FHIT: variants seen among roughly 807,000 people sequenced by gnomAD.
FHIT encodes fragile histidine triad diadenosine triphosphatase.
In FHIT, 19 loss-of-function variants were observed where a neutral mutation model predicts 17.9. The ratio of observed to expected loss-of-function variants is 1.06; its 90% CI spans 0.74 to 1.56. The LOEUF (loss-of-function observed/expected upper bound fraction) is 1.56, where lower values mean the gene tolerates loss of function less well. FHIT is among the 40% of genes most tolerant of loss of function. The pLI is 0.00. For synonymous variants in FHIT, 81 were observed against 69.7 expected, an observed-to-expected ratio of 1.16 and a Z score of -0.81; for missense variants, 248 against 189.2, an observed-to-expected ratio of 1.31 and a Z score of -1.82.
intron 3 of FHIT, among the ~76,000 whole-genome samples, chr3:61,004,454 TGG>T (rs2031308412): frequency 6.6e-6 from 1 of 152,204 alleles, no homozygotes; most frequent in African/African-American, 2.4e-5. Context: ...TATAAAACTT[TGG>T]GTAGTATGTA....
At chr3:60,928,715 C>A (rs1197353928) in intron 3 of FHIT, among the ~76,000 whole-genome samples, 1 of 151,974 alleles carries the variant, frequency 6.6e-6, no homozygotes, top group Non-Finnish European at 1.5e-5. Flanking sequence ...GAAATTGAGG[C>A]AACAATTAAT....
intron 2 of FHIT, among the ~76,000 whole-genome samples, chr3:61,095,280 T>C (rs1379294625): frequency 6.6e-6 from 1 of 152,194 alleles, no homozygotes; most frequent in African/African-American, 2.4e-5. Flanking sequence ...AAACCTCTTT[T>C]TATACAAGAA....
intron 5 of FHIT, among the ~76,000 whole-genome samples, chr3:60,222,502 T>C (rs1704007734): frequency 1.3e-5 from 2 of 152,148 alleles, no homozygotes; most frequent in African/African-American, 4.8e-5. Flanking sequence ...TTAAAAGTAA[T>C]GGCAAAGGCC....
intron 6 of FHIT, among the ~76,000 whole-genome samples, chr3:60,013,146 C>A (rs1031925522): frequency 3.0e-4 from 45 of 152,146 alleles, no homozygotes; most frequent in African/African-American, 1.0e-3. Flanking sequence ...TTAGTCAGAG[C>A]CTTCATAACC....
At chr3:60,672,881 G>A (rs1553694333) in intron 4 of FHIT, among the ~76,000 whole-genome samples, 4 of 150,526 alleles carry the variant, frequency 2.7e-5, no homozygotes, top group South Asian at 4.3e-4. Flanking sequence ...TAGCGTGTGT[G>A]TGTGTGTGTG....
At chr3:59,803,455 T>C (rs753283667) in intron 8 of FHIT, among the ~76,000 whole-genome samples, 1 of 152,190 alleles carries the variant, frequency 6.6e-6, no homozygotes, top group Non-Finnish European at 1.5e-5. Flanking sequence ...TCCTGCTGCA[T>C]TAACGGTCTC....
At chr3:60,379,072 C>T (rs953223246) in intron 5 of FHIT, among the ~76,000 whole-genome samples, 4 of 152,144 alleles carry the variant, frequency 2.6e-5, no homozygotes, top group Non-Finnish European at 5.9e-5. Flanking sequence ...TCAATTTTAT[C>T]CCAGACCAGT....
At chr3:61,064,614 T>C (rs936236980) in intron 2 of FHIT, among the ~76,000 whole-genome samples, 1 of 152,202 alleles carries the variant, frequency 6.6e-6, no homozygotes, top group Non-Finnish European at 1.5e-5. Flanking sequence ...GCATCCTTCA[T>C]GCAGGAAAAC....
chr3:60,668,776 A>G lies in FHIT; in HGVS notation c.-17-131797T>C, dbSNP rs909484940. ...GAGACGGGGTTCCACCGTGTTAGCC[A>G]GGATGGTCTCGCTCTCCTGACCTCA... On this transcript the variant is annotated intron_variant, in intron 4 of 9. Transcript: ENST00000492590. Among the ~76,000 whole-genome samples the G allele has an allele frequency of 2.6e-5, 4 of 151,994 alleles. No individual in the cohort carries two copies. In the East Asian group the frequency reaches 5.8e-4, roughly 22 times the overall value.
chr3:60,001,528 T>G (rs1159653241), intron 7 of FHIT, among the ~76,000 whole-genome samples: 1 of 152,094 alleles, frequency 6.6e-6, no homozygotes. Flanking sequence ...ACTACTTTGG[T>G]AGTGAGGAAA....
intron 3 of FHIT, among the ~76,000 whole-genome samples, chr3:60,960,459 C>T (rs1230297659): frequency 6.6e-6 from 1 of 152,178 alleles, no homozygotes; most frequent in Non-Finnish European, 1.5e-5. Flanking sequence ...TTCTAGGGTA[C>T]ATGTGCACAA....
At chr3:59,884,273 T>C (rs992337197) in intron 8 of FHIT, among the ~76,000 whole-genome samples, 2 of 152,250 alleles carry the variant, frequency 1.3e-5, no homozygotes, top group South Asian at 2.1e-4. Flanking sequence ...TACTCACAAA[T>C]TGTGTGGTGC....
At chr3:60,385,050 G>T (rs781600344) in intron 5 of FHIT, among the ~76,000 whole-genome samples, 11 of 152,128 alleles carry the variant, frequency 7.2e-5, no homozygotes, top group Non-Finnish European at 1.6e-4. Flanking sequence ...TAACACAACA[G>T]ACTTTTGTTA....
chr3:60,472,964 A>G lies in FHIT; in HGVS notation c.103+63896T>C, dbSNP rs144788567. On this transcript the variant is annotated intron_variant, in intron 5 of 9. Coordinates refer to ENST00000492590, the MANE Select transcript of FHIT (RefSeq NM_002012.4). ...CCTGACATTTATCTCCTTTAGTGCT[A>G]TATTATAGAAATGTTTCTTATTATA... Among the ~76,000 whole-genome samples the G allele has an allele frequency of 4.5e-3, 679 of 152,270 alleles. 10 individuals carry two copies. Among genetic ancestry groups the G allele is most frequent in the African/African-American group, 0.015 (613 of 41,552 alleles).
intron 3 of FHIT, among the ~76,000 whole-genome samples, chr3:60,852,291 G>T (rs1703186145): frequency 6.6e-6 from 1 of 152,088 alleles, no homozygotes; most frequent in Admixed American, 6.6e-5. Flanking sequence ...ACACCATTGG[G>T]TCTCCTGGGT....
At chr3:60,721,044 C>T (rs2041798196) in intron 4 of FHIT, among the ~76,000 whole-genome samples, 1 of 152,078 alleles carries the variant, frequency 6.6e-6, no homozygotes, top group Admixed American at 6.5e-5. Flanking sequence ...TAACAAAATT[C>T]ATCAGGATTC....
intron 3 of FHIT, among the ~76,000 whole-genome samples, chr3:61,002,099 T>C (rs1225812895): frequency 6.6e-6 from 1 of 152,226 alleles, no homozygotes; most frequent in Non-Finnish European, 1.5e-5. Flanking sequence ...TAAATCAAGG[T>C]AATTAACATA....
At chr3:61,208,193 T>C (rs982060455) in intron 1 of FHIT, among the ~76,000 whole-genome samples, 1 of 152,170 alleles carries the variant, frequency 6.6e-6, no homozygotes, top group Non-Finnish European at 1.5e-5. Context: ...TTTCTTCTAA[T>C]TTCTGTTCTT....
chr3:60,002,504 G>A (rs758390470), intron 7 of FHIT, among the ~76,000 whole-genome samples: 2 of 152,174 alleles, frequency 1.3e-5, no homozygotes, highest in Non-Finnish European at 2.9e-5. Context: ...CCCTTTCCCA[G>A]CACTAACATA....
Sources: gnomAD v4.1 joint callset for allele counts (sites outside exome capture counted in the v4.1 genomes callset) on GRCh38, gnomAD v4.1.1 for gene constraint, MANE v1.5 for transcripts, NCBI Gene and HGNC (gene_info 2026-07-23, HGNC 2026-07-21) for gene names.